Variants in TSHZ2 observed in about 807,000 individuals in gnomAD.
TSHZ2 encodes the protein teashirt zinc finger homeobox 2, also known as teashirt homolog 2.
In TSHZ2, 21 loss-of-function variants were observed where a neutral mutation model predicts 74.4. The observed-to-expected ratio is 0.28, with a 90% CI of 0.20 to 0.41. TSHZ2 has a LOEUF of 0.41. Among genes scored for constraint, TSHZ2 ranks in the 10% least tolerant of loss-of-function variants. The probability of loss-of-function intolerance (pLI) is 1.00; values close to 1 mark genes in which losing one functional copy is unlikely to be tolerated. For synonymous variants in TSHZ2, 540 were observed against 515.3 expected (o/e 1.05, Z -0.65); for missense variants, 1,244 against 1,293.5 (o/e 0.96, Z 0.59).
At chr20:53,421,681 G>GTT (rs34083391) in intron 2 of TSHZ2, 1,145 of 85,448 alleles carry the variant, frequency 0.013, 12 homozygotes, top group Non-Finnish European at 0.015. Flanking sequence ...TATGTTTTTG[G>GTT]TTTTTTTTTT....
intron 2 of TSHZ2, among the ~76,000 whole-genome samples, chr20:53,474,205 T>C (rs1276963734): frequency 1.4e-5 from 2 of 147,924 alleles, no homozygotes; most frequent in Admixed American, 6.8e-5. Context: ...CACATAATTG[T>C]CAGATTCACC....
intron 1 of TSHZ2, among the ~76,000 whole-genome samples, chr20:53,150,157 T>C (rs1054225502): frequency 6.6e-6 from 1 of 152,046 alleles, no homozygotes; most frequent in Non-Finnish European, 1.5e-5. Flanking sequence ...CACAGAGAGG[T>C]TAAGTAACTT....
chr20:53,022,856 G>A (rs991834408), intron 1 of TSHZ2, among the ~76,000 whole-genome samples: 1 of 152,112 alleles, frequency 6.6e-6, no homozygotes, highest in African/African-American at 2.4e-5. Flanking sequence ...AAATATCATC[G>A]CTGCTCTGAC....
chr20:53,075,593 G>A (rs1985341354), intron 1 of TSHZ2, among the ~76,000 whole-genome samples: 1 of 152,178 alleles, frequency 6.6e-6, no homozygotes, highest in Admixed American at 6.5e-5. Flanking sequence ...ATGAAAATGA[G>A]TTTGGATAGT....
In TSHZ2 at chr20:53,492,009, A is replaced by G. The variant is rs1288409584; in HGVS notation, c.*4874A>G. 1 of 152,054 alleles carries G rather than the reference A, an allele frequency of 6.6e-6. No individual in the cohort carries two copies. Among genetic ancestry groups the G allele is most frequent in the Non-Finnish European group, 1.5e-5 (1 of 67,992 alleles). 9.4% of individuals were successfully genotyped at this position (152,054 alleles called of 1,614,324 possible). ...AAGTACAAGTAATAACTTTTTGATA[A>G]GAAACCCCAGGAGAAACTTTTTGGT... On this transcript the variant is annotated 3_prime_UTR_variant, in exon 3 of 3. Coordinates refer to ENST00000371497, the MANE Select transcript of TSHZ2 (RefSeq NM_173485.6).
chr20:53,196,695 C>T (rs1425563846), intron 1 of TSHZ2, among the ~76,000 whole-genome samples: 1 of 152,194 alleles, frequency 6.6e-6, no homozygotes, highest in Admixed American at 6.5e-5. Flanking sequence ...AATATATATA[C>T]GATCTTATTC....
At chr20:52,975,524 T>G (rs78691713) in intron 1 of TSHZ2, among the ~76,000 whole-genome samples, 5 of 98,134 alleles carry the variant, frequency 5.1e-5, no homozygotes, top group Non-Finnish European at 9.1e-5. Context: ...TGTGTGGGGG[T>G]GTGTGTGTGT....
chr20:53,347,656 CTTTAAG>C (rs1001262031), intron 2 of TSHZ2, among the ~76,000 whole-genome samples: 30 of 151,028 alleles, frequency 2.0e-4, no homozygotes, highest in Admixed American at 3.9e-4. Flanking sequence ...CCAACTTTTA[CTTTAAG>C]TTTGAGGGTG....
At chr20:53,445,230 AT>A (rs1241497999) in intron 2 of TSHZ2, among the ~76,000 whole-genome samples, 3 of 152,136 alleles carry the variant, frequency 2.0e-5, no homozygotes, top group African/African-American at 7.2e-5. Context: ...AGATAAATTT[AT>A]TTTCATGATT....
In TSHZ2 at chr20:53,230,573, G is replaced by A. The variant is rs1023166312; in HGVS notation, c.41-22926G>A. Among the ~76,000 whole-genome samples the A allele has an allele frequency of 4.6e-5, 7 of 152,150 alleles. No homozygotes were observed. In the East Asian group the frequency reaches 7.7e-4, roughly 17 times the overall value. On this transcript the variant is annotated intron_variant, in intron 1 of 2. Coordinates refer to ENST00000371497, the MANE Select transcript of TSHZ2 (RefSeq NM_173485.6). ...CCCGTTTTCTGTAAGCAAGAAGGGA[G>A]AAACCAATGTTGGCTAAATCAAAAA...
rs565750469 is a variant in TSHZ2 at position 53,235,140 on chromosome 20, G to T, written c.41-18359G>T. Among the ~76,000 whole-genome samples the T allele has an allele frequency of 1.8e-3, 99 of 56,224 alleles. 1 individual carries two copies. Among genetic ancestry groups the T allele is most frequent in the South Asian group, 7.1e-3 (9 of 1,266 alleles). The allele number at this position is 56,224 out of a possible 152,430, so 36.9% of individuals were successfully genotyped here. ...AGCTTGGTTTTGTTGGGCGGGGCGGGGGGGGGGGAATGGGGGAGGGCGTGT... is the reference window on the plus strand; with the variant it reads ...AGCTTGGTTTTGTTGGGCGGGGCGGTGGGGGGGGAATGGGGGAGGGCGTGT... On this transcript the variant is annotated intron_variant, in intron 1 of 2. Coordinates refer to ENST00000371497, the MANE Select transcript of TSHZ2 (RefSeq NM_173485.6).
intron 1 of TSHZ2, among the ~76,000 whole-genome samples, chr20:52,996,113 GAT>G (rs974526088): frequency 1.6e-4 from 24 of 152,192 alleles, no homozygotes; most frequent in African/African-American, 4.8e-4. Flanking sequence ...TGGAGAAAGA[GAT>G]ATATTCTTTT....
At chr20:53,087,279 A>G (rs1431432756) in intron 1 of TSHZ2, among the ~76,000 whole-genome samples, 7 of 152,126 alleles carry the variant, frequency 4.6e-5, no homozygotes, top group Non-Finnish European at 1.0e-4. Flanking sequence ...AGATTCTTCA[A>G]CTCCAAAGGC....
intron 1 of TSHZ2, among the ~76,000 whole-genome samples, chr20:53,118,490 G>A (rs1986728673): frequency 6.6e-6 from 1 of 152,104 alleles, no homozygotes; most frequent in Non-Finnish European, 1.5e-5. Context: ...GTGGAGGGAG[G>A]GTGTGATCTC....
At chr20:53,474,893 G>C (rs1985944559) in intron 2 of TSHZ2, among the ~76,000 whole-genome samples, 1 of 143,624 alleles carries the variant, frequency 7.0e-6, no homozygotes, top group Non-Finnish European at 1.5e-5. Flanking sequence ...AACCAACAAA[G>C]ATCAAAAGAG....
chr20:53,471,574 A>G (rs1985800326), intron 2 of TSHZ2, among the ~76,000 whole-genome samples: 1 of 152,222 alleles, frequency 6.6e-6, no homozygotes, highest in Non-Finnish European at 1.5e-5. Flanking sequence ...AGAAAGCACC[A>G]TCTGAACTGA....
At chr20:53,371,318 T>C (rs963685710) in intron 2 of TSHZ2, among the ~76,000 whole-genome samples, 2 of 152,160 alleles carry the variant, frequency 1.3e-5, no homozygotes, top group African/African-American at 4.8e-5. Flanking sequence ...CACCGAATGA[T>C]TAAAAGCTGC....
chr20:53,239,189 A>T (rs1990009707), intron 1 of TSHZ2, among the ~76,000 whole-genome samples: 1 of 152,134 alleles, frequency 6.6e-6, no homozygotes, highest in South Asian at 2.1e-4. Context: ...TGACAATCAA[A>T]TGTCTCCAGA....
chr20:53,154,455 G>A (rs1227259119), intron 1 of TSHZ2, among the ~76,000 whole-genome samples: 1 of 152,174 alleles, frequency 6.6e-6, no homozygotes, highest in Non-Finnish European at 1.5e-5. Context: ...TCCTGGCATA[G>A]CAAGAACTGT....
Sources: gnomAD v4.1 joint callset for allele counts (sites outside exome capture counted in the v4.1 genomes callset) on GRCh38, gnomAD v4.1.1 for gene constraint, MANE v1.5 for transcripts, NCBI Gene and HGNC (gene_info 2026-07-23, HGNC 2026-07-21) for gene names.